The following DSTYK variants were observed in gnomAD, a reference collection of about 807,000 sequenced individuals.
DSTYK encodes RIP-homologous kinase.
A neutral mutation model predicts 98.7 loss-of-function variants in DSTYK; 34 were observed. That is an observed-to-expected ratio of 0.34 (90% CI 0.26 to 0.46). DSTYK has a LOEUF of 0.46. Ranked by LOEUF, DSTYK falls within the 20% of genes least tolerant of loss-of-function variation. The pLI is 1.00. For synonymous variants in DSTYK, 462 were observed against 457.3 expected (o/e 1.01, Z -0.13); for missense variants, 962 against 1,181.7 (o/e 0.81, Z 2.73).
intron 10 of DSTYK, 85 bp downstream of exon 10, chr1:205,157,188 G>T: frequency 8.7e-7 from 1 of 1,153,898 alleles, no homozygotes; most frequent in Non-Finnish European, 1.3e-6. Context: ...CTTTTCTTAG[G>T]ATCTAACTTA....
rs556705019 is a variant in DSTYK at position 205,169,987 on chromosome 1, A to G, written c.655-155T>C. Among the ~76,000 whole-genome samples, 41 of 152,200 alleles carry G rather than the reference A, an allele frequency of 2.7e-4. No individual in the cohort carries two copies. The highest frequency in any genetic ancestry group is 4.9e-4 in the Non-Finnish European group (33 of 68,004). The stretch of plus-strand genomic sequence containing the variant: ...GATCCACCTCCTTCCTCGGTTACCA[A>G]CACTCCCTGGTGCAGCCTATGAAGG... On this transcript the variant is annotated intron_variant, in intron 2 of 12. Coordinates refer to ENST00000367162, the MANE Select transcript of DSTYK (RefSeq NM_015375.3). This position sits in a 1 kb window ranked among gnomAD's most constrained non-coding sequence, Gnocchi z 4.0.
Position 205,187,419 on chromosome 1 carries a change from T to C in DSTYK, c.653A>G (p.Gln218Arg), listed in dbSNP as rs777960255. The part of the protein sequence containing the change: ...LEVTMHHALL[Q>R]EVDVVVAPCQ... ...GGTATAGAAGTATGAGATTGGTACC[T>C]GTAAGAGAGCATGGTGCATCGTTAC... is the stretch of plus-strand genomic sequence containing the variant. Residue 218 changes from glutamine to arginine, a missense_variant and splice_region_variant, in exon 2 of 13, where the codon CAG (glutamine) becomes CGG (arginine). By Grantham distance (43) the Gln-to-Arg change is conservative (BLOSUM62 1). This residue lies in a region of DSTYK where 660 missense variants were observed against 855.0 expected (regional missense o/e 0.77). Coordinates refer to ENST00000367162, the MANE Select transcript of DSTYK (RefSeq NM_015375.3). The C allele has an allele frequency of 5.8e-5, 93 of 1,607,452 alleles. 1 individual carries two copies. In the South Asian group the frequency reaches 7.4e-4, roughly 13 times the overall value.
intron 4 of DSTYK, 146 bp from the exon 5 acceptor site, chr1:205,163,152 T>A (rs1047785979): frequency 4.3e-5 from 29 of 668,248 alleles, no homozygotes; most frequent in Non-Finnish European, 7.0e-5. Flanking sequence ...CAACTTAAGC[T>A]GATTATTTAT....
intron 1 of DSTYK, among the ~76,000 whole-genome samples, chr1:205,210,762 C>T (rs1264240484): frequency 6.6e-6 from 1 of 152,238 alleles, no homozygotes; most frequent in Non-Finnish European, 1.5e-5. Flanking sequence ...CACAGAGCTG[C>T]CTCATGATTG....
At chr1:205,164,628 A>G (rs1657833473) in intron 3 of DSTYK, among the ~76,000 whole-genome samples, 2 of 151,890 alleles carry the variant, frequency 1.3e-5, no homozygotes, top group East Asian at 3.9e-4. Flanking sequence ...CGCCTGGCTG[A>G]TTTTTTGTAT....
intron 1 of DSTYK, among the ~76,000 whole-genome samples, chr1:205,198,547 G>A (rs931597478): frequency 2.0e-5 from 3 of 152,066 alleles, no homozygotes; most frequent in South Asian, 2.1e-4. Context: ...AATATTAAAC[G>A]CTAAGGCTAG....
chr1:205,191,658 C>A (rs950440752), intron 1 of DSTYK, among the ~76,000 whole-genome samples: 14 of 151,880 alleles, frequency 9.2e-5, no homozygotes, highest in Admixed American at 9.2e-4. Flanking sequence ...CGCAAGTGCC[C>A]CTTGGACCAC....
Position 205,169,317 on chromosome 1 carries a change from A to C in DSTYK, c.1170T>G (p.Arg390=). The part of the protein sequence containing the change: ...MQRDLQITPK[R]LEYTRKKENE... Reference sequence around the variant, plus strand: ...TCTCCTTTTTTCGAGTATATTCCAGACGTTTGGGAGTGATCTGCAGGTCCC... The same window carrying C: ...TCTCCTTTTTTCGAGTATATTCCAGCCGTTTGGGAGTGATCTGCAGGTCCC... The change falls in exon 3 of 13, where the codon CGT becomes CGG. Residue 390 remains arginine (R), a synonymous_variant. Coordinates refer to ENST00000367162, the MANE Select transcript of DSTYK (RefSeq NM_015375.3). The surrounding 1 kb of genome is among the most constrained non-coding windows in gnomAD (Gnocchi z 4.0). 1 of 1,614,046 alleles carries C rather than the reference A, an allele frequency of 6.2e-7. No homozygotes were observed. The highest frequency in any genetic ancestry group is 8.5e-7 in the Non-Finnish European group (1 of 1,180,036).
rs376484263 is a variant in DSTYK, at chr1:205,162,231, C to T, written c.1642-19G>A. On this transcript the variant is annotated intron_variant, in intron 5 of 12. Coordinates refer to ENST00000367162, the MANE Select transcript of DSTYK (RefSeq NM_015375.3). ...GGATGATCTACCAGGATGAAGACAG[C>T]GAGATCACCAAGGAATGAGAGACAA... The T allele has an allele frequency of 3.7e-5, 59 of 1,608,954 alleles. No individual in the cohort carries two copies. The highest frequency in any genetic ancestry group is 9.9e-5 in the South Asian group (9 of 90,690).
chr1:205,190,446 G>A (rs114934802), intron 1 of DSTYK, among the ~76,000 whole-genome samples: 2,845 of 151,962 alleles, frequency 0.019, 39 homozygotes, highest in South Asian at 0.053. Flanking sequence ...CCAACATGGC[G>A]AAACCCTGAT....
At chr1:205,209,883 T>TTATTATTATTA (rs1659319573) in intron 1 of DSTYK, among the ~76,000 whole-genome samples, 6 of 149,172 alleles carry the variant, frequency 4.0e-5, no homozygotes, top group African/African-American at 1.3e-4. Flanking sequence ...CCCAGTGTCT[T>TTATTATTATTA]TTATTATTAC....
chr1:205,176,506 A>AAAAG (rs1243161602), intron 2 of DSTYK, among the ~76,000 whole-genome samples: 1 of 131,836 alleles, frequency 7.6e-6, no homozygotes, highest in Non-Finnish European at 1.8e-5. Context: ...AAAAAAAAAA[A>AAAAG]AAAGAAATGC....
chr1:205,157,888 G>A (rs146098358), intron 9 of DSTYK, among the ~76,000 whole-genome samples: 13 of 152,192 alleles, frequency 8.5e-5, no homozygotes, highest in Non-Finnish European at 1.5e-4. Context: ...CAGTTAAGCC[G>A]AACAGATAAC....
In DSTYK at chr1:205,163,815, C is replaced by G; in HGVS notation, c.1465G>C (p.Glu489Gln). Residue 489 changes from glutamate (E) to glutamine (Q), a missense_variant, in exon 4 of 13, where the codon GAA (glutamate) becomes CAA (glutamine). Around this residue, in one of 4 missense-constraint regions of DSTYK, gnomAD observed 660 missense variants for 855.0 expected, o/e 0.77. Coordinates refer to ENST00000367162, the MANE Select transcript of DSTYK (RefSeq NM_015375.3). ...CGTTCCAGGGTTCCGACGAAGCTTT[C>G]CCTCAGGTAATCCACTGAGCTGATC... is the stretch of plus-strand genomic sequence containing the variant. ...KLISSVDYLR[E>Q]SFVGTLERCL... is the part of the protein sequence containing the mutation. 6.2e-7 allele frequency: 1 copy of G among 1,614,186 alleles called. No individual in the cohort carries two copies. Among genetic ancestry groups the G allele is most frequent in the Non-Finnish European group, 8.5e-7 (1 of 1,180,030 alleles).
chr1:205,186,047 A>T (rs189192130), intron 2 of DSTYK, among the ~76,000 whole-genome samples: 1 of 151,986 alleles, frequency 6.6e-6, no homozygotes, highest in African/African-American at 2.4e-5. Context: ...GAAAAGAAAA[A>T]AAATATATAT....
At chr1:205,166,546 CT>C (rs1657897110) in intron 3 of DSTYK, among the ~76,000 whole-genome samples, 1 of 152,116 alleles carries the variant, frequency 6.6e-6, no homozygotes, top group African/African-American at 2.4e-5. Context: ...TTCAAGGATA[CT>C]CAGAAAGCAC....
chr1:205,177,494 T>G (rs759940143), intron 2 of DSTYK, among the ~76,000 whole-genome samples: 8 of 152,210 alleles, frequency 5.3e-5, no homozygotes, highest in Non-Finnish European at 7.4e-5. Context: ...CATTTCTAAA[T>G]AGTTCCCTGA....
intron 10 of DSTYK, among the ~76,000 whole-genome samples, chr1:205,151,688 G>C (rs1350687202): frequency 3.6e-5 from 5 of 139,796 alleles, no homozygotes; most frequent in Non-Finnish European, 6.3e-5. Context: ...CTGGTTATAG[G>C]CTTTCTTTTT....
chr1:205,204,711 C>T (rs1659150663), intron 1 of DSTYK, among the ~76,000 whole-genome samples: 1 of 152,144 alleles, frequency 6.6e-6, no homozygotes, highest in African/African-American at 2.4e-5. Flanking sequence ...CATCTCCTCC[C>T]AGAAAAATTC....
Sources: allele counts gnomAD v4.1 joint callset (sites outside exome capture counted in the v4.1 genomes callset), GRCh38; gene constraint gnomAD v4.1.1; regional missense constraint gnomAD v4.1.1; non-coding constraint Gnocchi (gnomAD v3.1); transcripts MANE v1.5; gene names NCBI Gene and HGNC (gene_info 2026-07-23, HGNC 2026-07-21).